Variants in CSMD1 observed in about 807,000 individuals in gnomAD.
CSMD1 encodes the protein CUB and sushi domain-containing protein 1.
Under a neutral mutation model 417.5 loss-of-function variants are expected in CSMD1, and 213 were observed. That is an observed-to-expected ratio of 0.51 (90% CI 0.46 to 0.57). The LOEUF (loss-of-function observed/expected upper bound fraction) is 0.57. CSMD1 is among the 20% of genes least tolerant of loss of function. The probability of loss-of-function intolerance (pLI) is 0.00; values close to 1 mark genes in which losing one functional copy is unlikely to be tolerated. For missense variants in CSMD1, 6,923 were observed against 4,529.7 expected, an observed-to-expected ratio of 1.53 and a Z score of -15.17; for synonymous variants, 2,862 against 1,736.8, an observed-to-expected ratio of 1.65 and a Z score of -16.11.
At chr8:4,328,179 G>C (rs564141112) in intron 3 of CSMD1, among the ~76,000 whole-genome samples, 42 of 151,154 alleles carry the variant, frequency 2.8e-4, no homozygotes, top group East Asian at 1.6e-3. Flanking sequence ...CACATTATAA[G>C]ACAGTAAGTA....
At chr8:3,969,438 G>T (rs997820959) in intron 5 of CSMD1, among the ~76,000 whole-genome samples, 1 of 152,094 alleles carries the variant, frequency 6.6e-6, no homozygotes, top group Non-Finnish European at 1.5e-5. Context: ...GAGATGGGTG[G>T]TCATGGTCAC....
chr8:3,027,244 C>A (rs142639783), intron 51 of CSMD1, among the ~76,000 whole-genome samples: 1 of 152,088 alleles, frequency 6.6e-6, no homozygotes, highest in Non-Finnish European at 1.5e-5. Context: ...ACAATATACT[C>A]CATGTCAGCT....
chr8:4,917,818 G>A (rs1045515487), intron 1 of CSMD1, among the ~76,000 whole-genome samples: 1 of 151,972 alleles, frequency 6.6e-6, no homozygotes, highest in African/African-American at 2.4e-5. Flanking sequence ...AACAGAGTGT[G>A]GCAGTGGTTC....
intron 5 of CSMD1, among the ~76,000 whole-genome samples, chr8:3,973,761 A>G (rs1813232930): frequency 6.6e-6 from 1 of 152,196 alleles, no homozygotes; most frequent in Non-Finnish European, 1.5e-5. Context: ...CAAACCAACC[A>G]GTGTTTCATT....
intron 3 of CSMD1, among the ~76,000 whole-genome samples, chr8:4,364,773 C>A (rs1378797911): frequency 6.2e-5 from 1 of 16,126 alleles, no homozygotes; most frequent in Non-Finnish European, 9.1e-5. Flanking sequence ...TGCAGTGAGC[C>A]GAGATCCCGC....
chr8:4,103,180 G>A (rs555323668), intron 3 of CSMD1, among the ~76,000 whole-genome samples: 5 of 151,890 alleles, frequency 3.3e-5, no homozygotes, highest in Non-Finnish European at 5.9e-5. Context: ...CACAAAACCA[G>A]TAACAGCAAC....
At chr8:4,441,689 C>G (rs1045331621) in intron 2 of CSMD1, among the ~76,000 whole-genome samples, 4 of 151,996 alleles carry the variant, frequency 2.6e-5, no homozygotes, top group African/African-American at 4.8e-5. Flanking sequence ...AGGTATCTTT[C>G]AAATACCAAT....
intron 4 of CSMD1, among the ~76,000 whole-genome samples, chr8:3,999,745 G>C (rs977364331): frequency 1.3e-5 from 2 of 152,088 alleles, no homozygotes; most frequent in Non-Finnish European, 2.9e-5. Context: ...GTCTTTGAGA[G>C]GTACACTTGG....
chr8:3,094,186 A>G (rs1815143596), intron 47 of CSMD1, among the ~76,000 whole-genome samples: 1 of 151,898 alleles, frequency 6.6e-6, no homozygotes, highest in African/African-American at 2.4e-5. Context: ...GCTCTCTGCA[A>G]CCTTTGCCTC....
chr8:2,965,292 T>C (rs1803858028), intron 59 of CSMD1, among the ~76,000 whole-genome samples: 1 of 152,138 alleles, frequency 6.6e-6, no homozygotes, highest in South Asian at 2.1e-4. Context: ...TCTCGGCCAG[T>C]GTCATCTTCA....
chr8:4,056,992 A>C (rs567591877), intron 3 of CSMD1, among the ~76,000 whole-genome samples: 3 of 152,202 alleles, frequency 2.0e-5, no homozygotes, highest in Non-Finnish European at 4.4e-5. Flanking sequence ...GCTGCAATAA[A>C]CATACGTGTG....
intron 5 of CSMD1, among the ~76,000 whole-genome samples, chr8:3,792,223 G>A (rs772980019): frequency 1.3e-5 from 2 of 152,210 alleles, no homozygotes; most frequent in Non-Finnish European, 1.5e-5. Flanking sequence ...AGCCCAGGAG[G>A]GCGAGGCTGC....
rs192105323 is a variant in CSMD1 at position 4,575,017 on chromosome 8, G to C, written c.302+62325C>G. Among the ~76,000 whole-genome samples, 6 of 152,248 alleles carry C rather than the reference G, an allele frequency of 3.9e-5. No homozygotes were observed. The East Asian group carries it at 1.2e-3, about 29-fold the overall frequency. ...ATTGTGCTTCCTCAGTAAATAAAAG[G>C]AGAAAGGGCCCCTGGAAAACCAGGT... On this transcript the variant is annotated intron_variant, in intron 2 of 69. Transcript: ENST00000635120.
At chr8:3,945,130 G>T (rs1455269330) in intron 5 of CSMD1, among the ~76,000 whole-genome samples, 3 of 134,982 alleles carry the variant, frequency 2.2e-5, no homozygotes, top group Non-Finnish European at 4.7e-5. Flanking sequence ...CTTTGTAAGT[G>T]ATACACAATT....
At chr8:3,998,439 G>C (rs759233487) in intron 4 of CSMD1, among the ~76,000 whole-genome samples, 1 of 152,118 alleles carries the variant, frequency 6.6e-6, no homozygotes. Context: ...TCCGAATCCT[G>C]GAAGATGACA....
At chr8:4,545,308 G>C (rs372060360) in intron 2 of CSMD1, among the ~76,000 whole-genome samples, 26 of 152,178 alleles carry the variant, frequency 1.7e-4, no homozygotes, top group African/African-American at 5.8e-4. Context: ...TGACTCAACA[G>C]TTTCTAACAC....
At chr8:3,334,747 T>C (rs1460909450) in intron 23 of CSMD1, among the ~76,000 whole-genome samples, 1 of 152,234 alleles carries the variant, frequency 6.6e-6, no homozygotes, top group Non-Finnish European at 1.5e-5. Flanking sequence ...CATTCTTTTT[T>C]ATTTCACATT....
At chr8:4,134,156 C>A (rs1174953817) in intron 3 of CSMD1, among the ~76,000 whole-genome samples, 1 of 152,092 alleles carries the variant, frequency 6.6e-6, no homozygotes, top group Non-Finnish European at 1.5e-5. Flanking sequence ...CATTGAAACT[C>A]ATGTGTATGT....
intron 41 of CSMD1, among the ~76,000 whole-genome samples, chr8:3,129,518 T>C (rs1403931109): frequency 6.6e-6 from 1 of 152,190 alleles, no homozygotes; most frequent in Non-Finnish European, 1.5e-5. Context: ...CTCATGCCTG[T>C]AATCCCAGCA....
Sources: allele counts gnomAD v4.1 joint callset (sites outside exome capture counted in the v4.1 genomes callset), GRCh38; gene constraint gnomAD v4.1.1; transcripts MANE v1.5; gene names NCBI Gene and HGNC (gene_info 2026-07-23, HGNC 2026-07-21).